Variants in HAPLN2 observed in about 807,000 individuals in gnomAD.
HAPLN2 encodes the protein brain link protein-1.
HAPLN2 carries 27 observed loss-of-function variants against 29.3 expected under a neutral mutation model. The ratio of observed to expected loss-of-function variants is 0.92; its 90% CI spans 0.68 to 1.27. HAPLN2 has a LOEUF of 1.27. Ranked by LOEUF, HAPLN2 falls within the 50% of genes most tolerant of loss-of-function variation. The pLI is 0.00. For missense variants in HAPLN2, 454 were observed against 484.3 expected (o/e 0.94, Z 0.59); for synonymous variants, 208 against 211.7 (o/e 0.98, Z 0.15).
upstream of HAPLN2, among the ~76,000 whole-genome samples, chr1:156,617,736 G>GA (rs1678096693): frequency 6.6e-6 from 1 of 150,538 alleles, no homozygotes; most frequent in Admixed American, 6.7e-5. Flanking sequence ...ACAGCAGAGA[G>GA]AAAATAAGGC....
chr1:156,608,732 G>T, the HAPLN2 span, among the ~76,000 whole-genome samples: 17 of 151,914 alleles, frequency 1.1e-4, no homozygotes, highest in African/African-American at 4.1e-4. Flanking sequence ...TAGTAGAGAC[G>T]GGGTTTCACC....
the HAPLN2 span, among the ~76,000 whole-genome samples, chr1:156,613,419 A>G: frequency 6.6e-6 from 1 of 152,236 alleles, no homozygotes; most frequent in Non-Finnish European, 1.5e-5. Context: ...TTTCTAGCAC[A>G]GTAAAACCAA....
upstream of HAPLN2, among the ~76,000 whole-genome samples, chr1:156,616,134 C>T (rs900744002): frequency 6.6e-6 from 1 of 151,598 alleles, no homozygotes; most frequent in African/African-American, 2.4e-5. Context: ...ATGGTGGAAG[C>T]GAGTGTGGGT....
chr1:156,623,242 G>C (rs1678311472), intron 2 of HAPLN2, among the ~76,000 whole-genome samples: 1 of 151,912 alleles, frequency 6.6e-6, no homozygotes, highest in Non-Finnish European at 1.5e-5. Context: ...ATTAGTACCT[G>C]CAGGCTGAGA....
intron 2 of HAPLN2, among the ~76,000 whole-genome samples, chr1:156,620,447 G>A (rs1278953802): frequency 6.6e-6 from 1 of 152,156 alleles, no homozygotes; most frequent in African/African-American, 2.4e-5. Context: ...AGTGCTTAGA[G>A]CAGTGTCAGG....
chr1:156,621,995 C>A lies in HAPLN2; in HGVS notation c.-24-1472C>A, dbSNP rs184674821. Among the ~76,000 whole-genome samples the A allele has an allele frequency of 3.9e-3, 585 of 151,640 alleles. 4 individuals carry two copies. In the Middle Eastern group the frequency reaches 0.041, roughly 11 times the overall value. On this transcript the variant is annotated intron_variant, in intron 2 of 6. Transcript: ENST00000255039. Reference sequence around the variant, plus strand: ...AAAACAAATTTAAAGGGGGGAATAACTACAGTACTGAAATAGATAATTGCA... The same window carrying A: ...AAAACAAATTTAAAGGGGGGAATAAATACAGTACTGAAATAGATAATTGCA...
chr1:156,611,422 A>G, the HAPLN2 span, among the ~76,000 whole-genome samples: 8 of 152,116 alleles, frequency 5.3e-5, no homozygotes, highest in Admixed American at 3.3e-4. Flanking sequence ...AAAAATAGCC[A>G]GGCGTGGTCA....
At chr1:156,609,550 T>C in the HAPLN2 span, among the ~76,000 whole-genome samples, 2 of 152,246 alleles carry the variant, frequency 1.3e-5, no homozygotes, top group African/African-American at 4.8e-5. Flanking sequence ...TGATTCATCC[T>C]GGCATTTTGA....
At chr1:156,612,664 C>T in the HAPLN2 span, among the ~76,000 whole-genome samples, 5 of 152,260 alleles carry the variant, frequency 3.3e-5, no homozygotes, top group East Asian at 7.7e-4. Flanking sequence ...TGGTGGCTCA[C>T]GGGAGCAGCA....
upstream of HAPLN2, among the ~76,000 whole-genome samples, chr1:156,618,489 T>A (rs569544067): frequency 1.5e-4 from 23 of 149,018 alleles, no homozygotes; most frequent in East Asian, 1.8e-3. Context: ...AAAAAAAAAA[T>A]TTTAAAAAGG....
chr1:156,609,954 G>A, the HAPLN2 span, among the ~76,000 whole-genome samples: 3 of 152,154 alleles, frequency 2.0e-5, no homozygotes, highest in African/African-American at 4.8e-5. Flanking sequence ...AGTGGCTCAC[G>A]CCTGTAATCC....
the HAPLN2 span, among the ~76,000 whole-genome samples, chr1:156,611,520 G>T: frequency 6.6e-6 from 1 of 151,944 alleles, no homozygotes. Flanking sequence ...AGCTGAGATC[G>T]TGCCATTGCA....
intron 2 of HAPLN2, among the ~76,000 whole-genome samples, chr1:156,621,277 G>A (rs910847164): frequency 6.6e-6 from 1 of 151,598 alleles, no homozygotes; most frequent in Non-Finnish European, 1.5e-5. Flanking sequence ...GCTGAATTTC[G>A]TATTTTTAGT....
the HAPLN2 span, among the ~76,000 whole-genome samples, chr1:156,612,997 G>A: frequency 1.1e-3 from 168 of 152,308 alleles, no homozygotes; most frequent in Middle Eastern, 3.4e-3. Flanking sequence ...AACCAATAAG[G>A]AGACAAAAGA....
At chr1:156,608,436 G>C in the HAPLN2 span, among the ~76,000 whole-genome samples, 1 of 152,132 alleles carries the variant, frequency 6.6e-6, no homozygotes, top group African/African-American at 2.4e-5. Flanking sequence ...AAAACCTTCA[G>C]TGTGTGTAAA....
In HAPLN2 at chr1:156,624,073, G is replaced by C. The variant is rs572616194; in HGVS notation, c.352G>C (p.Val118Leu). ...AGACGCCTCCCTGGTCATCGCGGGC[G>C]TGCGCCTGGAGGACGAGGGCCGGTA... ...RLDASLVIAG[V>L]RLEDEGRYRC... Residue 118 changes from valine to leucine, a missense_variant, in exon 4 of 7, where the codon GTG becomes CTG. Physicochemically the swap from Val to Leu is conservative, Grantham distance 32. Coordinates refer to ENST00000255039, the MANE Select transcript of HAPLN2 (RefSeq NM_021817.3). 1.9e-6 allele frequency: 3 copies of C among 1,613,586 alleles called. No homozygotes were observed. Among genetic ancestry groups the C allele is most frequent in the Non-Finnish European group, 2.5e-6 (3 of 1,179,914 alleles).
the HAPLN2 span, among the ~76,000 whole-genome samples, chr1:156,608,493 A>AT: frequency 6.6e-6 from 1 of 151,722 alleles, no homozygotes; most frequent in Non-Finnish European, 1.5e-5. Flanking sequence ...GAGGCAGGGT[A>AT]TAGCAGGGCC....
At chr1:156,605,223 A>G in the HAPLN2 span, among the ~76,000 whole-genome samples, 6 of 151,962 alleles carry the variant, frequency 3.9e-5, no homozygotes, top group Admixed American at 3.9e-4. Flanking sequence ...CCGAGATCAC[A>G]CCACTGCACT....
upstream of HAPLN2, among the ~76,000 whole-genome samples, chr1:156,618,655 T>C (rs1234796463): frequency 6.6e-6 from 1 of 151,670 alleles, no homozygotes; most frequent in Non-Finnish European, 1.5e-5. Context: ...GGTGGGTGCC[T>C]GTAGTCCCAG....
Sources: gnomAD v4.1 joint callset for allele counts (sites outside exome capture counted in the v4.1 genomes callset) on GRCh38, gnomAD v4.1.1 for gene constraint, MANE v1.5 for transcripts, NCBI Gene and HGNC (gene_info 2026-07-23, HGNC 2026-07-21) for gene names.